The following ASPA variants were observed in gnomAD, a reference collection of about 807,000 sequenced individuals.
ASPA encodes the protein ACY-2.
A neutral mutation model predicts 29.6 loss-of-function variants in ASPA; 25 were observed. The ratio of observed to expected loss-of-function variants is 0.85; its 90% CI spans 0.62 to 1.18. ASPA has a LOEUF of 1.18. Among genes scored for constraint, ASPA ranks in the 50% most tolerant of loss-of-function variants. ASPA has a pLI of 0.00. For synonymous variants in ASPA, 131 were observed against 130.3 expected, an observed-to-expected ratio of 1.01 and a Z score of -0.04; for missense variants, 333 against 385.7, an observed-to-expected ratio of 0.86 and a Z score of 1.14.
At chr17:3,498,060 T>C (rs186198344) in intron 5 of ASPA, among the ~76,000 whole-genome samples, 2 of 152,268 alleles carry the variant, frequency 1.3e-5, no homozygotes, top group Admixed American at 1.3e-4. Flanking sequence ...ACCCACCTTG[T>C]CCCAGACTCT....
chr17:3,491,700 T>A (rs150177855), intron 4 of ASPA, among the ~76,000 whole-genome samples: 80 of 151,674 alleles, frequency 5.3e-4, no homozygotes, highest in African/African-American at 1.8e-3. Context: ...GTGAGCCGAG[T>A]TCATGCCACT....
Position 3,490,878 on chromosome 17 carries a change from T to G in ASPA, c.634+1536T>G, listed in dbSNP as rs76667138. Among the ~76,000 whole-genome samples, 3,105 of 152,272 alleles carry G rather than the reference T, an allele frequency of 0.02. 116 individuals carry two copies. Among genetic ancestry groups the G allele is most frequent in the African/African-American group, 0.072 (2,996 of 41,546 alleles). The stretch of plus-strand genomic sequence containing the variant: ...ACCCCACCCCTTAACCCCTTATCTC[T>G]GCTTCAACCAGAGCTCTTCTGTGTA... On this transcript the variant is annotated intron_variant, in intron 4 of 5. Coordinates refer to ENST00000263080, the MANE Select transcript of ASPA (RefSeq NM_000049.4). The surrounding 1 kb of genome is among the most constrained non-coding windows in gnomAD (Gnocchi z 4.6).
At chr17:3,477,599 C>G (rs918290844) in intron 1 of ASPA, among the ~76,000 whole-genome samples, 17 of 152,086 alleles carry the variant, frequency 1.1e-4, no homozygotes, top group African/African-American at 3.9e-4. Context: ...ATTACAGGCA[C>G]TTGCCACCAT....
chr17:3,487,329 T>C (rs2073742160), intron 3 of ASPA, among the ~76,000 whole-genome samples: 1 of 152,200 alleles, frequency 6.6e-6, no homozygotes, highest in Admixed American at 6.5e-5. Context: ...ATATAAAATA[T>C]TCCAAATAAA....
rs1325420675 is a variant in ASPA, at chr17:3,494,347, T to C, written c.635-3T>C. On this transcript the variant is annotated splice_region_variant and splice_polypyrimidine_tract_variant and intron_variant, in intron 4 of 5. Coordinates refer to ENST00000263080, the MANE Select transcript of ASPA (RefSeq NM_000049.4). ...CCATTGATACATATTGTTTTTGTCA[T>C]AGGAAAAGAATTTCCTCCCTGCGCC... 3 of 1,595,432 alleles carry C rather than the reference T, an allele frequency of 1.9e-6. No homozygotes were observed. The highest frequency in any genetic ancestry group is 1.1e-5 in the South Asian group (1 of 90,762).
chr17:3,489,593 C>A (rs2073787572), intron 4 of ASPA, among the ~76,000 whole-genome samples: 1 of 152,096 alleles, frequency 6.6e-6, no homozygotes, highest in Non-Finnish European at 1.5e-5. Context: ...TACAAATGCC[C>A]AGTAAACATA....
chr17:3,489,299 A>T lies in ASPA; in HGVS notation c.591A>T (p.Lys197Asn), dbSNP rs777170306. 6.2e-7 allele frequency: 1 copy of T among 1,613,400 alleles called. No individual in the cohort carries two copies. Among genetic ancestry groups the T allele is most frequent in the Non-Finnish European group, 8.5e-7 (1 of 1,179,758 alleles). Residue 197 changes from lysine to asparagine, a missense_variant, in exon 4 of 6, where the codon AAA (lysine) becomes AAT (asparagine). Lys to Asn is a moderately conservative substitution (Grantham distance 94). Coordinates refer to ENST00000263080, the MANE Select transcript of ASPA (RefSeq NM_000049.4). ...CTGATATCTTGGATCAAATGAGAAA[A>T]ATGATTAAACATGCTCTTGATTTTA... ...LRADILDQMR[K>N]MIKHALDFIH...
chr17:3,494,537 A>G, intron 5 of ASPA, 78 bp downstream of exon 5: 1 of 1,212,592 alleles, frequency 8.2e-7, no homozygotes, highest in Non-Finnish European at 1.2e-6. Flanking sequence ...CTCATACAGC[A>G]CTTCGCGTAC....
chr17:3,493,273 G>A (rs1366938097), intron 4 of ASPA, among the ~76,000 whole-genome samples: 1 of 152,110 alleles, frequency 6.6e-6, no homozygotes, highest in Non-Finnish European at 1.5e-5. Flanking sequence ...ACTTAGTTAA[G>A]AAAAAGAGGC....
At chr17:3,479,931 G>T (rs1356151327) in intron 1 of ASPA, among the ~76,000 whole-genome samples, 1 of 152,184 alleles carries the variant, frequency 6.6e-6, no homozygotes, top group African/African-American at 2.4e-5. Context: ...ACCATTGTGG[G>T]AAGTGGGGAG....
intron 3 of ASPA, among the ~76,000 whole-genome samples, chr17:3,484,978 C>G (rs1468492332): frequency 1.3e-5 from 2 of 152,074 alleles, no homozygotes; most frequent in African/African-American, 4.8e-5. Flanking sequence ...CCAGTAAGTA[C>G]ACAATTCTAA....
In ASPA at chr17:3,476,220, C is replaced by A; in HGVS notation, c.61C>A (p.His21Asn). 1 of 1,614,088 alleles carries A rather than the reference C, an allele frequency of 6.2e-7. No individual in the cohort carries two copies. Among genetic ancestry groups the A allele is most frequent in the Non-Finnish European group, 8.5e-7 (1 of 1,180,024 alleles). ...IQKVAIFGGTHGNELTGVFLV... is the reference protein window; with the variant it reads ...IQKVAIFGGTNGNELTGVFLV... ...AAAGGTTGCTATCTTTGGAGGAACC[C>A]ATGGGAATGAGCTAACCGGAGTATT... is the stretch of plus-strand genomic sequence containing the variant. The change falls in exon 1 of 6, where the codon CAT becomes AAT. Residue 21 changes from histidine (H) to asparagine (N), a missense_variant. Transcript: ENST00000263080.
chr17:3,476,189 T>C lies in ASPA; in HGVS notation c.30T>C (p.His10=), dbSNP rs779344515. MTSCHIAEE[H]IQKVAIFGGT... ...CTTCTTGTCACATTGCTGAAGAACA[T>C]ATACAAAAGGTTGCTATCTTTGGAG... is the stretch of plus-strand genomic sequence containing the variant. Residue 10 remains histidine (H), a synonymous_variant, in exon 1 of 6, where the codon CAT becomes CAC. Transcript: ENST00000263080. The C allele has an allele frequency of 1.2e-6, 2 of 1,614,072 alleles. No homozygotes were observed. The highest frequency in any genetic ancestry group is 1.7e-6 in the Non-Finnish European group (2 of 1,180,012).
In ASPA at chr17:3,488,095, G is replaced by A. The variant is rs947188054; in HGVS notation, c.527-1140G>A. Among the ~76,000 whole-genome samples the A allele has an allele frequency of 6.6e-6, 1 of 152,218 alleles. No homozygotes were observed. The highest frequency in any genetic ancestry group is 1.5e-5 in the Non-Finnish European group (1 of 68,046). ...AGAAGCGGGTGAAAACAAGATGAGT[G>A]TAAAAGAATGCAGTATGTTAATGGG... On this transcript the variant is annotated intron_variant, in intron 3 of 5. Transcript: ENST00000263080. The surrounding 1 kb of genome is among the most constrained non-coding windows in gnomAD (Gnocchi z 6.1).
intron 5 of ASPA, 116 bp downstream of exon 5, chr17:3,494,575 C>T (rs2073879439): frequency 2.4e-6 from 2 of 847,736 alleles, no homozygotes; most frequent in African/African-American, 3.3e-5. Context: ...TCTCATTAGA[C>T]ACTGAGTGTA....
chr17:3,476,066 T>G lies in ASPA; in HGVS notation c.-94T>G. 1.4e-5 allele frequency: 17 copies of G among 1,190,954 alleles called. No individual in the cohort carries two copies. Among genetic ancestry groups the G allele is most frequent in the Non-Finnish European group, 1.8e-5 (15 of 815,592 alleles). The allele number at this position is 1,190,954 out of a possible 1,614,324, so 73.8% of individuals were successfully genotyped here. On this transcript the variant is annotated 5_prime_UTR_variant, in exon 1 of 6. Coordinates refer to ENST00000263080, the MANE Select transcript of ASPA (RefSeq NM_000049.4). ...TCTGTACTTTGCCCTTTGGGTAAAG[T>G]CTCATTTACATTTCTAAACCTTTCT...
At chr17:3,493,314 G>A (rs549211973) in intron 4 of ASPA, among the ~76,000 whole-genome samples, 5 of 152,248 alleles carry the variant, frequency 3.3e-5, no homozygotes, top group South Asian at 4.1e-4. Flanking sequence ...TGTAATCCCA[G>A]CACTTGGGGA....
At chr17:3,483,166 T>C (rs1172129786) in intron 2 of ASPA, among the ~76,000 whole-genome samples, 5 of 152,072 alleles carry the variant, frequency 3.3e-5, no homozygotes, top group Admixed American at 2.6e-4. Context: ...GCTAAATAGT[T>C]AGTGTAACCA....
At chr17:3,491,190 C>A (rs1056499454) in intron 4 of ASPA, among the ~76,000 whole-genome samples, 7 of 152,162 alleles carry the variant, frequency 4.6e-5, no homozygotes, top group Admixed American at 4.6e-4. Context: ...GTTGAGAAGG[C>A]AGATCCAAGA....
Sources: allele counts gnomAD v4.1 joint callset (sites outside exome capture counted in the v4.1 genomes callset), GRCh38; gene constraint gnomAD v4.1.1; non-coding constraint Gnocchi (gnomAD v3.1); transcripts MANE v1.5; gene names NCBI Gene and HGNC (gene_info 2026-07-23, HGNC 2026-07-21).